CCBE1: variants seen among roughly 807,000 people sequenced by gnomAD.
CCBE1 encodes the protein collagen and calcium-binding EGF domain-containing protein 1.
In CCBE1, 37 loss-of-function variants were observed where a neutral mutation model predicts 50.0. The ratio of observed to expected loss-of-function variants is 0.74; its 90% CI spans 0.57 to 0.97. The LOEUF is 0.97. Ranked by LOEUF, CCBE1 falls within the 50% of genes least tolerant of loss-of-function variation. The pLI, the probability that CCBE1 is intolerant of heterozygous loss-of-function variation, is 0.00. For synonymous variants in CCBE1, 234 were observed against 203.7 expected (o/e 1.15, Z -1.27); for missense variants, 538 against 523.8 (o/e 1.03, Z -0.26).
intron 2 of CCBE1, among the ~76,000 whole-genome samples, chr18:59,541,439 C>A (rs1266294359): frequency 6.6e-6 from 1 of 152,186 alleles, no homozygotes; most frequent in Admixed American, 6.5e-5. Flanking sequence ...ATACAGGGAT[C>A]ATTTGGAATC....
intron 2 of CCBE1, among the ~76,000 whole-genome samples, chr18:59,556,356 C>T (rs2052657221): frequency 6.6e-6 from 1 of 152,112 alleles, no homozygotes. Flanking sequence ...TGATTGAGTA[C>T]AGAGTGCGAG....
At chr18:59,589,790 CAAAAAAAAAAAAAAA>C (rs752546235) in intron 2 of CCBE1, among the ~76,000 whole-genome samples, 1 of 73,114 alleles carries the variant, frequency 1.4e-5, no homozygotes, top group African/African-American at 5.2e-5. Flanking sequence ...GACTCCATCT[CAAAAAAAAAAAAAAA>C]AAAAAAGAAA....
At chr18:59,454,804 G>A in intron 6 of CCBE1, 47 bp downstream of exon 6, 2 of 1,500,208 alleles carry the variant, frequency 1.3e-6, no homozygotes, top group Non-Finnish European at 1.9e-6. Context: ...CCTTGGCCAA[G>A]CCCTCCTTCC....
At chr18:59,461,697 G>A (rs1911483588) in intron 5 of CCBE1, among the ~76,000 whole-genome samples, 1 of 147,950 alleles carries the variant, frequency 6.8e-6, no homozygotes, top group Non-Finnish European at 1.5e-5. Flanking sequence ...CAATGGAAGA[G>A]AAAGAGGAGA....
chr18:59,457,986 C>T (rs557901931), intron 5 of CCBE1, among the ~76,000 whole-genome samples: 1 of 152,320 alleles, frequency 6.6e-6, no homozygotes, highest in African/African-American at 2.4e-5. Flanking sequence ...AAAAGATGAC[C>T]CAGGCTCCAG....
At position 59,432,927 on chromosome 18, in the gene CCBE1, C is replaced by T. The variant is rs1909992610; in HGVS notation, c.*2981G>A. On this transcript the variant is annotated 3_prime_UTR_variant, in exon 11 of 11. Transcript: ENST00000439986. ...AAATCATAGATGGACCTAGCCATCT[C>T]TCATACAGCTTGTGCATAGTTTTGT... 6.7e-6 allele frequency: 1 copy of T among 149,174 alleles called. No individual in the cohort carries two copies. The highest frequency in any genetic ancestry group is 1.5e-5 in the Non-Finnish European group (1 of 67,432). 9.2% of individuals were successfully genotyped at this position (149,174 alleles called of 1,614,324 possible). A position where few individuals can be genotyped will look rare whatever the true frequency, so the allele number is the denominator to read the frequency against.
At chr18:59,447,839 A>G (rs1303166581) in intron 7 of CCBE1, 144 bp downstream of exon 7, 4 of 1,218,434 alleles carry the variant, frequency 3.3e-6, no homozygotes, top group South Asian at 1.3e-5. Flanking sequence ...CTCTCATTGC[A>G]TGGGTGTGTG....
intron 2 of CCBE1, among the ~76,000 whole-genome samples, chr18:59,492,144 C>CAAAAAAAAAAAAAAAAAAAAAAAA (rs869190811): frequency 1.3e-5 from 1 of 78,424 alleles, no homozygotes. Flanking sequence ...GACTTTGTCT[C>CAAAAAAAAAAAAAAAAAAAAAAAA]AAAAAAAAAA....
At chr18:59,692,361 G>A (rs973465025) in intron 2 of CCBE1, among the ~76,000 whole-genome samples, 2 of 152,154 alleles carry the variant, frequency 1.3e-5, no homozygotes, top group African/African-American at 4.8e-5. Context: ...TTACAGATGA[G>A]AAAATTAAAG....
At chr18:59,532,096 C>T (rs901117774) in intron 2 of CCBE1, among the ~76,000 whole-genome samples, 1 of 152,110 alleles carries the variant, frequency 6.6e-6, no homozygotes, top group Admixed American at 6.5e-5. Context: ...GACACAGTCT[C>T]ACTCTGTTGC....
chr18:59,542,579 C>A (rs1223418582), intron 2 of CCBE1, among the ~76,000 whole-genome samples: 1 of 152,126 alleles, frequency 6.6e-6, no homozygotes, highest in Non-Finnish European at 1.5e-5. Context: ...TGTTCTATTG[C>A]ACCATATGCA....
At chr18:59,645,430 G>T (rs898526235) in intron 2 of CCBE1, among the ~76,000 whole-genome samples, 4 of 152,142 alleles carry the variant, frequency 2.6e-5, no homozygotes, top group Admixed American at 6.5e-5. Flanking sequence ...AGAAAAAAAA[G>T]ATTTTAAAAC....
At chr18:59,609,079 C>T (rs2053538766) in intron 2 of CCBE1, among the ~76,000 whole-genome samples, 2 of 152,188 alleles carry the variant, frequency 1.3e-5, no homozygotes, top group Admixed American at 1.3e-4. Context: ...CTTGAAACTT[C>T]CCCCTCTATC....
chr18:59,493,702 T>C (rs1163275682), intron 2 of CCBE1, among the ~76,000 whole-genome samples: 2 of 152,134 alleles, frequency 1.3e-5, no homozygotes, highest in African/African-American at 4.8e-5. Flanking sequence ...AAGATTTACA[T>C]TTGGTAAACG....
chr18:59,678,040 C>A lies in CCBE1; in HGVS notation c.212+18589G>T, dbSNP rs541678975. On this transcript the variant is annotated intron_variant, in intron 2 of 10. Transcript: ENST00000439986. ...ATCCCAAACGGCAACACAACCATACCGGGGGATGCAAAGATGGGAAGTAAG... is the reference window on the plus strand; with the variant it reads ...ATCCCAAACGGCAACACAACCATACAGGGGGATGCAAAGATGGGAAGTAAG... Among the ~76,000 whole-genome samples, 4 of 152,126 alleles carry A rather than the reference C, an allele frequency of 2.6e-5. No homozygotes were observed. The South Asian group carries it at 6.2e-4, about 24-fold the overall frequency.
At chr18:59,692,765 C>T (rs2054748957) in intron 2 of CCBE1, among the ~76,000 whole-genome samples, 1 of 152,010 alleles carries the variant, frequency 6.6e-6, no homozygotes. Context: ...ATTGAGCTGC[C>T]CTAAGCAAGA....
chr18:59,480,315 GA>G (rs1416963908), intron 2 of CCBE1, 77 bp from the exon 3 acceptor site: 1 of 1,121,568 alleles, frequency 8.9e-7, no homozygotes, highest in African/African-American at 1.6e-5. Context: ...TTGTTTGAAT[GA>G]AATAACTTGT....
At position 59,696,023 on chromosome 18, in the gene CCBE1, G is replaced by GC. The variant is rs2054799219; in HGVS notation, c.212+605dup. 2.0e-5 allele frequency among the ~76,000 whole-genome samples: 3 copies of GC among 152,180 alleles called. No homozygotes were observed. In the South Asian group the frequency reaches 6.2e-4, roughly 31 times the overall value. On this transcript the variant is annotated intron_variant, in intron 2 of 10. Transcript: ENST00000439986. ...ACATTTTATAACTACCGATTCCCTA[G>GC]CCCCATCCACGCTTAGTTTTAACAA...
rs558450181 is a variant in CCBE1 at position 59,634,048 on chromosome 18, G to T, written c.212+62581C>A. 1.2e-4 allele frequency among the ~76,000 whole-genome samples: 18 copies of T among 152,298 alleles called. No homozygotes were observed. The South Asian group carries it at 3.5e-3, about 30-fold the overall frequency. On this transcript the variant is annotated intron_variant, in intron 2 of 10. Coordinates refer to ENST00000439986, the MANE Select transcript of CCBE1 (RefSeq NM_133459.4). ...AGTGAAGGACTTCTCAGAAATTGGG[G>T]TCTCAACAGCCTAAACATACTAGGG...
Sources: gnomAD v4.1 joint callset for allele counts (sites outside exome capture counted in the v4.1 genomes callset) on GRCh38, gnomAD v4.1.1 for gene constraint, MANE v1.5 for transcripts, NCBI Gene and HGNC (gene_info 2026-07-23, HGNC 2026-07-21) for gene names.